MYO1D: variants seen among roughly 807,000 people sequenced by gnomAD.
MYO1D encodes myosin ID, also known as unconventional myosin-Id.
MYO1D carries 83 observed loss-of-function variants against 122.0 expected under a neutral mutation model. The observed-to-expected ratio is 0.68, with a 90% CI of 0.57 to 0.82. The LOEUF is 0.82. Among genes scored for constraint, MYO1D ranks in the 40% least tolerant of loss-of-function variants. The pLI is 0.00. For missense variants in MYO1D, 1,157 were observed against 1,269.5 expected (o/e 0.91, Z 1.35); for synonymous variants, 464 against 446.9 (o/e 1.04, Z -0.48).
At chr17:32,775,537 G>A (rs1054452198) in intron 4 of MYO1D, among the ~76,000 whole-genome samples, 6 of 152,102 alleles carry the variant, frequency 3.9e-5, no homozygotes, top group African/African-American at 1.4e-4. Context: ...ATAGAAGATG[G>A]TGATGTATAA....
chr17:32,683,491 C>A (rs991463945), intron 16 of MYO1D, among the ~76,000 whole-genome samples: 1 of 152,076 alleles, frequency 6.6e-6, no homozygotes, highest in African/African-American at 2.4e-5. Context: ...AGCTGCAGGT[C>A]TGTTGGAATA....
At chr17:32,776,473 C>A (rs956300491) in intron 3 of MYO1D, among the ~76,000 whole-genome samples, 3 of 152,122 alleles carry the variant, frequency 2.0e-5, no homozygotes, top group Admixed American at 2.0e-4. Flanking sequence ...ATGGAATGGG[C>A]AAGGTAGGAT....
At chr17:32,744,073 T>G (rs999741123) in intron 13 of MYO1D, among the ~76,000 whole-genome samples, 2 of 152,196 alleles carry the variant, frequency 1.3e-5, no homozygotes, top group African/African-American at 4.8e-5. Flanking sequence ...TCATACTTTC[T>G]TCTTATGTGG....
chr17:32,866,947 T>C (rs2091130709), intron 1 of MYO1D, among the ~76,000 whole-genome samples: 2 of 152,232 alleles, frequency 1.3e-5, no homozygotes, highest in Admixed American at 1.3e-4. Flanking sequence ...AATGCCATTT[T>C]TTCTTTTTCT....
intron 1 of MYO1D, among the ~76,000 whole-genome samples, chr17:32,828,273 T>C (rs958422095): frequency 1.3e-5 from 2 of 151,958 alleles, no homozygotes; most frequent in East Asian, 1.9e-4. Context: ...TCCCAGCACT[T>C]TGGGAGGCCG....
chr17:32,503,040 C>T (rs79883957), intron 21 of MYO1D, among the ~76,000 whole-genome samples: 162 of 152,310 alleles, frequency 1.1e-3, no homozygotes, highest in Non-Finnish European at 2.1e-3. Context: ...GGCAAATGGC[C>T]TTTATCAAAT....
chr17:32,801,139 A>C (rs1352739176), intron 1 of MYO1D, among the ~76,000 whole-genome samples: 1 of 152,232 alleles, frequency 6.6e-6, no homozygotes, highest in African/African-American at 2.4e-5. Flanking sequence ...AAAAAGTGAA[A>C]GAAAAACTAA....
chr17:32,655,583 A>C (rs927017969), intron 17 of MYO1D, among the ~76,000 whole-genome samples: 1 of 152,178 alleles, frequency 6.6e-6, no homozygotes, highest in South Asian at 2.1e-4. Flanking sequence ...TAGGAAGAGA[A>C]GAGAACACAG....
intron 1 of MYO1D, among the ~76,000 whole-genome samples, chr17:32,805,535 T>C (rs1216870218): frequency 6.6e-6 from 1 of 152,134 alleles, no homozygotes; most frequent in South Asian, 2.1e-4. Context: ...TCCTCACATA[T>C]TGAGTTTGGT....
chr17:32,864,007 C>CTTTTCTTTTTTTTT (rs2091100932), intron 1 of MYO1D, among the ~76,000 whole-genome samples: 5 of 48,960 alleles, frequency 1.0e-4, no homozygotes, highest in Admixed American at 2.4e-4. Context: ...ACATTTCTTC[C>CTTTTCTTTTTTTTT]TTTTTTTTTT....
chr17:32,618,658 G>A (rs531950913), intron 20 of MYO1D, among the ~76,000 whole-genome samples: 185 of 146,642 alleles, frequency 1.3e-3, no homozygotes, highest in Admixed American at 2.3e-3. Context: ...TTTTTGAGAC[G>A]GAATCTTGCT....
intron 21 of MYO1D, among the ~76,000 whole-genome samples, chr17:32,604,252 T>A (rs1197735902): frequency 1.3e-5 from 2 of 152,178 alleles, no homozygotes. Flanking sequence ...GAAATGTCTT[T>A]TAGGAAGAAA....
chr17:32,552,739 C>T (rs911958607), intron 21 of MYO1D, among the ~76,000 whole-genome samples: 3 of 152,130 alleles, frequency 2.0e-5, no homozygotes, highest in African/African-American at 4.8e-5. Flanking sequence ...CTTCTTAAAC[C>T]GGGACACGAT....
chr17:32,800,581 G>A (rs764903684), intron 1 of MYO1D, among the ~76,000 whole-genome samples: 1 of 152,126 alleles, frequency 6.6e-6, no homozygotes, highest in African/African-American at 2.4e-5. Flanking sequence ...GGGAGATGCT[G>A]GTCAACATGT....
At chr17:32,556,300 C>A (rs1488369424) in intron 21 of MYO1D, among the ~76,000 whole-genome samples, 1 of 152,160 alleles carries the variant, frequency 6.6e-6, no homozygotes, top group Non-Finnish European at 1.5e-5. Context: ...TGTTGCCTGC[C>A]ATGGACTGTA....
chr17:32,627,417 G>A (rs146292921), intron 20 of MYO1D, among the ~76,000 whole-genome samples: 4 of 152,226 alleles, frequency 2.6e-5, no homozygotes, highest in African/African-American at 7.2e-5. Context: ...ACAGACCGGC[G>A]GGCGGATGGA....
At chr17:32,495,008 G>A (rs1047450918) in intron 21 of MYO1D, 93 bp from the exon 22 acceptor site, 11 of 1,403,402 alleles carry the variant, frequency 7.8e-6, no homozygotes, top group South Asian at 1.4e-5. Context: ...TGGCTCCGGC[G>A]CAGCCTGCTT....
chr17:32,760,698 T>C lies in MYO1D; in HGVS notation c.1036-71A>G, dbSNP rs557175372. On this transcript the variant is annotated intron_variant, in intron 8 of 21. Transcript: ENST00000318217. ...GTCCTCTGTTTGGATTTGTGATCAGTTTTAAATTCCTGTCCACCTTCTCAC... is the reference window on the plus strand; with the variant it reads ...GTCCTCTGTTTGGATTTGTGATCAGCTTTAAATTCCTGTCCACCTTCTCAC... The C allele has an allele frequency of 1.0e-4, 148 of 1,478,624 alleles. 2 individuals carry two copies. The South Asian group carries it at 1.8e-3, about 18-fold the overall frequency. 91.6% of individuals were successfully genotyped at this position (1,478,624 alleles called of 1,614,324 possible). A position where few individuals can be genotyped will look rare whatever the true frequency, so the allele number is the denominator to read the frequency against.
chr17:32,516,403 TTTTTA>T (rs1291039732), intron 21 of MYO1D, among the ~76,000 whole-genome samples: 4 of 152,166 alleles, frequency 2.6e-5, no homozygotes, highest in African/African-American at 9.7e-5. Context: ...GCTCTCTTAT[TTTTTA>T]TTTTAAGTTC....
Sources: allele counts gnomAD v4.1 joint callset (sites outside exome capture counted in the v4.1 genomes callset), GRCh38; gene constraint gnomAD v4.1.1; transcripts MANE v1.5; gene names NCBI Gene and HGNC (gene_info 2026-07-23, HGNC 2026-07-21).